RBBP6: variants seen among roughly 807,000 people sequenced by gnomAD.
RBBP6 encodes the protein E3 ubiquitin-protein ligase RBBP6.
A neutral mutation model predicts 167.7 loss-of-function variants in RBBP6; 25 were observed. That is an observed-to-expected ratio of 0.15 (90% CI 0.11 to 0.21). RBBP6 has a LOEUF of 0.21. Ranked by LOEUF, RBBP6 falls within the 10% of genes least tolerant of loss-of-function variation. The pLI, the probability that RBBP6 is intolerant of heterozygous loss-of-function variation, is 1.00. For synonymous variants in RBBP6, 789 were observed against 735.8 expected (o/e 1.07, Z -1.17); for missense variants, 1,868 against 2,134.2 (o/e 0.88, Z 2.46).
intron 1 of RBBP6, among the ~76,000 whole-genome samples, chr16:24,541,916 A>G (rs1423714782): frequency 2.0e-5 from 3 of 152,188 alleles, no homozygotes; most frequent in Non-Finnish European, 4.4e-5. Context: ...TCCAGCCTGT[A>G]GTTTAGGTAG....
At chr16:24,554,464 C>CCT (rs1898868721) in intron 4 of RBBP6, 1 of 151,966 alleles carries the variant, frequency 6.6e-6, no homozygotes, top group Non-Finnish European at 1.5e-5. Context: ...TTGTTCTTGG[C>CCT]TTTGTTATGT....
chr16:24,541,380 T>A (rs1307314918), intron 1 of RBBP6, among the ~76,000 whole-genome samples: 1 of 152,294 alleles, frequency 6.6e-6, no homozygotes, highest in Admixed American at 6.5e-5. Context: ...TTTTTGGATC[T>A]TGAAATGTTC....
intron 4 of RBBP6, chr16:24,554,299 G>A (rs1898865495): frequency 7.1e-6 from 1 of 140,748 alleles, no homozygotes; most frequent in East Asian, 2.1e-4. Context: ...TGCAAATTGT[G>A]CCTTTAAAAA....
chr16:24,560,133 A>G (rs1899014475), intron 8 of RBBP6, among the ~76,000 whole-genome samples: 2 of 131,288 alleles, frequency 1.5e-5, no homozygotes, highest in Admixed American at 1.7e-4. Flanking sequence ...TTTTTTTGAG[A>G]CAGAGTCTCA....
intron 1 of RBBP6, among the ~76,000 whole-genome samples, chr16:24,543,990 A>G (rs1384826528): frequency 6.6e-6 from 1 of 152,178 alleles, no homozygotes; most frequent in African/African-American, 2.4e-5. Flanking sequence ...AATACCCCCA[A>G]AGTGTCTTTA....
rs1203735293 is a variant in RBBP6 at position 24,571,464 on chromosome 16, C to T, written c.4398C>T (p.Asp1466=). The change falls in exon 18 of 18, where the codon GAC becomes GAT. Residue 1466 remains aspartate, a synonymous_variant. Coordinates refer to ENST00000319715, the MANE Select transcript of RBBP6 (RefSeq NM_006910.5). Reference sequence around the variant, plus strand: ...CCACTCGTGCTTCCTCAAATAAAGACTTCACTCCCAATAGAGACAAAAAAA... The same window carrying T: ...CCACTCGTGCTTCCTCAAATAAAGATTTCACTCCCAATAGAGACAAAAAAA... ...HDSTRASSNK[D]FTPNRDKKTD... is the part of the protein sequence containing the mutation. The T allele has an allele frequency of 3.7e-6, 6 of 1,612,856 alleles. No individual in the cohort carries two copies. Among genetic ancestry groups the T allele is most frequent in the Non-Finnish European group, 4.2e-6 (5 of 1,179,746 alleles).
chr16:24,543,124 C>A (rs2074068128), intron 1 of RBBP6, among the ~76,000 whole-genome samples: 1 of 152,076 alleles, frequency 6.6e-6, no homozygotes, highest in Non-Finnish European at 1.5e-5. Context: ...GGTTTTAGCA[C>A]CGATATTCAA....
At chr16:24,541,198 A>AC (rs1237914628) in intron 1 of RBBP6, among the ~76,000 whole-genome samples, 5 of 133,284 alleles carry the variant, frequency 3.8e-5, no homozygotes, top group South Asian at 2.2e-4. Context: ...AAAAACAAAA[A>AC]AAAAACCAAA....
Position 24,570,991 on chromosome 16 carries a change from G to A in RBBP6, c.3925G>A (p.Asp1309Asn). Residue 1309 changes from aspartate (D) to asparagine (N), a missense_variant, in exon 18 of 18, where the codon GAT becomes AAT. Physicochemically the swap from Asp to Asn is conservative, Grantham distance 23 (BLOSUM62 1). Coordinates refer to ENST00000319715, the MANE Select transcript of RBBP6 (RefSeq NM_006910.5). ...YNNDNTAPAE[D>N]VIIMIQVPQS... ...TAATGACAATACCGCGCCAGCTGAAGATGTTATCATTATGATTCAGGTTCC... is the reference window on the plus strand; with the variant it reads ...TAATGACAATACCGCGCCAGCTGAAAATGTTATCATTATGATTCAGGTTCC... 6.2e-7 allele frequency: 1 copy of A among 1,612,706 alleles called. No individual in the cohort carries two copies. Among genetic ancestry groups the A allele is most frequent in the Non-Finnish European group, 8.5e-7 (1 of 1,178,778 alleles).
rs1248033938 is a variant in RBBP6, at chr16:24,569,676, A to G, written c.2986A>G (p.Ile996Val). Residue 996 changes from isoleucine (I) to valine (V), a missense_variant, in exon 17 of 18, where the codon ATC becomes GTC. Physicochemically the swap from Ile to Val is conservative, Grantham distance 29 (BLOSUM62 3). Around this residue, in one of 7 missense-constraint regions of RBBP6, gnomAD observed 673 missense variants for 691.5 expected, o/e 0.97. Transcript: ENST00000319715. ...AGATGAACCAATGGATGCAGAATCA[A>G]TCACTTTTAAATCAGTGTCTGAAAA... is the stretch of plus-strand genomic sequence containing the variant. ...VRDEPMDAESITFKSVSEKDK... is the reference protein window; with the variant it reads ...VRDEPMDAESVTFKSVSEKDK... 1.9e-6 allele frequency: 3 copies of G among 1,613,840 alleles called. No individual in the cohort carries two copies. Among genetic ancestry groups the G allele is most frequent in the East Asian group, 4.5e-5 (2 of 44,872 alleles).
chr16:24,541,681 A>C (rs896484288), intron 1 of RBBP6, among the ~76,000 whole-genome samples: 1 of 152,178 alleles, frequency 6.6e-6, no homozygotes, highest in Admixed American at 6.5e-5. Flanking sequence ...ACAGTAGATA[A>C]ATGTGACAAG....
chr16:24,540,270 G>A lies in RBBP6; in HGVS notation c.-357G>A, dbSNP rs1898449478. On this transcript the variant is annotated 5_prime_UTR_variant, in exon 1 of 18. The change creates a new upstream start codon in the 5' untranslated region. Transcript: ENST00000319715. ...GTGGGGTCGCTCGGACTCTTAACGT[G>A]TGGACTGACCGCTACTGACTGCACC... 5.0e-6 allele frequency: 1 copy of A among 199,052 alleles called. No individual in the cohort carries two copies. The highest frequency in any genetic ancestry group is 1.1e-5 in the Non-Finnish European group (1 of 95,066). 12.3% of individuals were successfully genotyped at this position (199,052 alleles called of 1,614,324 possible).
chr16:24,557,749 ATAAG>A (rs1323967280), intron 7 of RBBP6, among the ~76,000 whole-genome samples: 1 of 152,230 alleles, frequency 6.6e-6, no homozygotes, highest in Non-Finnish European at 1.5e-5. Flanking sequence ...ACATACATAT[ATAAG>A]AACAGTTCCT....
At position 24,539,780 on chromosome 16, in the gene RBBP6, C is replaced by T. The variant is rs1898434303; in HGVS notation, c.-847C>T. 6.6e-6 allele frequency: 1 copy of T among 152,246 alleles called. No homozygotes were observed. Among genetic ancestry groups the T allele is most frequent in the Non-Finnish European group, 1.5e-5 (1 of 68,058 alleles). 9.4% of individuals were successfully genotyped at this position (152,246 alleles called of 1,614,324 possible). A position where few individuals can be genotyped will look rare whatever the true frequency, so the allele number is the denominator to read the frequency against. The stretch of plus-strand genomic sequence containing the variant: ...GAAAGGCGAGCGAAGCGCGGAGGAT[C>T]CGGCGAGAAGAAGCGTCAGGGAGCC... On this transcript the variant is annotated 5_prime_UTR_variant, in exon 1 of 18. Transcript: ENST00000319715.
chr16:24,565,575 G>A (rs1401014715), intron 14 of RBBP6, among the ~76,000 whole-genome samples: 1 of 152,220 alleles, frequency 6.6e-6, no homozygotes, highest in Non-Finnish European at 1.5e-5. Context: ...TGTGAACTGC[G>A]TGTGCAAAGG....
intron 14 of RBBP6, among the ~76,000 whole-genome samples, chr16:24,566,129 GT>G (rs1596512100): frequency 6.6e-6 from 1 of 152,150 alleles, no homozygotes; most frequent in East Asian, 1.9e-4. Flanking sequence ...AGTTTACTAT[GT>G]CATTACTGGA....
At chr16:24,551,202 C>T (rs1898787396) in intron 3 of RBBP6, among the ~76,000 whole-genome samples, 2 of 151,908 alleles carry the variant, frequency 1.3e-5, no homozygotes, top group South Asian at 4.2e-4. Flanking sequence ...TAGATCCTTG[C>T]TTCCCAAAAC....
rs1899073128 is a variant in RBBP6, at chr16:24,562,059, C to T, written c.1187C>T (p.Pro396Leu). The T allele has an allele frequency of 6.2e-7, 1 of 1,613,192 alleles. No individual in the cohort carries two copies. Among genetic ancestry groups the T allele is most frequent in the Non-Finnish European group, 8.5e-7 (1 of 1,179,146 alleles). Residue 396 changes from proline to leucine, a missense_variant, in exon 10 of 18, where the codon CCT (proline) becomes CTT (leucine). This residue lies in a region of RBBP6 where 245 missense variants were observed against 240.1 expected (regional missense o/e 1.02). Coordinates refer to ENST00000319715, the MANE Select transcript of RBBP6 (RefSeq NM_006910.5). ...SLTSNQSSLA[P>L]PVSGNPSSAP... ...ACTTCTAATCAGTCTTCCTTGGCCC[C>T]TCCTGTGTCTGGAAATCCGTCTTCT...
At chr16:24,550,620 C>G (rs1898774918) in intron 3 of RBBP6, among the ~76,000 whole-genome samples, 1 of 151,672 alleles carries the variant, frequency 6.6e-6, no homozygotes, top group African/African-American at 2.4e-5. Flanking sequence ...TGTATAAACA[C>G]AAATCACATG....
Sources: gnomAD v4.1 joint callset for allele counts (sites outside exome capture counted in the v4.1 genomes callset) on GRCh38, gnomAD v4.1.1 for gene constraint, gnomAD v4.1.1 regional missense constraint, MANE v1.5 for transcripts, NCBI Gene and HGNC (gene_info 2026-07-23, HGNC 2026-07-21) for gene names.